QRICH2: variants seen among roughly 807,000 people sequenced by gnomAD.
The protein encoded by QRICH2 is glutamine-rich protein 2.
In QRICH2, 119 loss-of-function variants were observed where a neutral mutation model predicts 168.3. That is an observed-to-expected ratio of 0.71 (90% CI 0.61 to 0.82). The LOEUF is 0.82. QRICH2 is among the 40% of genes least tolerant of loss of function. The pLI is 0.00. For synonymous variants in QRICH2, 894 were observed against 951.2 expected (o/e 0.94, Z 1.11); for missense variants, 2,241 against 2,491.6 (o/e 0.90, Z 2.14).
At chr17:76,275,194 G>C (rs568401819) in intron 18 of QRICH2, among the ~76,000 whole-genome samples, 2 of 150,664 alleles carry the variant, frequency 1.3e-5, no homozygotes, top group East Asian at 1.9e-4. Flanking sequence ...TTAGATTCTT[G>C]GGGGGGGCCT....
At chr17:76,288,009 C>A (rs2070921750) in intron 5 of QRICH2, 112 bp from the exon 6 acceptor site, 4 of 774,440 alleles carry the variant, frequency 5.2e-6, no homozygotes, top group South Asian at 1.5e-5. Context: ...TAACCCAACC[C>A]CCTCCGACAA....
At chr17:76,299,154 A>C (rs1019309739) in intron 3 of QRICH2, among the ~76,000 whole-genome samples, 1 of 152,122 alleles carries the variant, frequency 6.6e-6, no homozygotes, top group Non-Finnish European at 1.5e-5. Context: ...CCTGAATAAA[A>C]TCAAGCTGAA....
intron 15 of QRICH2, 71 bp downstream of exon 15, chr17:76,277,918 C>G: frequency 6.5e-7 from 1 of 1,527,746 alleles, no homozygotes; most frequent in Non-Finnish European, 9.0e-7. Context: ...ATTTGCACAG[C>G]CGTGCACGAG....
At chr17:76,297,969 C>T (rs1409998522) in intron 3 of QRICH2, among the ~76,000 whole-genome samples, 1 of 144,706 alleles carries the variant, frequency 6.9e-6, no homozygotes, top group African/African-American at 2.6e-5. Flanking sequence ...ACCTCCGCCT[C>T]CAAGTTTCCA....
rs1305408713 is a variant in QRICH2 at position 76,277,163 on chromosome 17, C to T, written c.5265G>A (p.Lys1755=). 1.3e-6 allele frequency: 2 copies of T among 1,573,402 alleles called. No homozygotes were observed. The highest frequency in any genetic ancestry group is 1.7e-6 in the Non-Finnish European group (2 of 1,165,478). Residue 1755 remains lysine, a splice_region_variant and synonymous_variant, in exon 16 of 19, where the codon AAG becomes AAA. Transcript: ENST00000680821. ...YPTEEIQIAM[K]HDEVDILGLD... is the part of the protein sequence containing the mutation. ...TGGTGGCTCCAGGCAGGGCCCTGACCTTCATGGCAATCTGGATCTCTTCAG... is the reference window on the plus strand; with the variant it reads ...TGGTGGCTCCAGGCAGGGCCCTGACTTTCATGGCAATCTGGATCTCTTCAG...
intron 3 of QRICH2, among the ~76,000 whole-genome samples, chr17:76,296,537 A>G (rs1177302144): frequency 6.6e-6 from 1 of 152,164 alleles, no homozygotes; most frequent in Admixed American, 6.6e-5. Flanking sequence ...CTGTAATCCC[A>G]GAACTTTCAG....
chr17:76,278,305 G>A (rs2070726935), intron 14 of QRICH2, 116 bp from the exon 15 acceptor site: 1 of 1,009,464 alleles, frequency 9.9e-7, no homozygotes, highest in Non-Finnish European at 1.5e-6. Flanking sequence ...CTAGGCTGGG[G>A]GTCGCTGGGC....
At chr17:76,275,684 T>C in intron 18 of QRICH2, 135 bp downstream of exon 18, 1 of 1,180,222 alleles carries the variant, frequency 8.5e-7, no homozygotes, top group Non-Finnish European at 1.2e-6. Context: ...GGTTCCTCTT[T>C]TCCACACCCA....
In QRICH2 at chr17:76,293,246, C is replaced by T; in HGVS notation, c.1481G>A (p.Gly494Glu). The change falls in exon 4 of 19, where the codon GGA becomes GAA. Residue 494 changes from glycine to glutamate, a missense_variant. Physicochemically the swap from Gly to Glu is moderately conservative, Grantham distance 98. Transcript: ENST00000680821. ...CTGACCCATGCCTGATATTACACAT[C>T]CACGCTGATCCATGCCAAGTGGTTC... ...SMEPLGMDQR[G>E]CVISGMGQQG... The T allele has an allele frequency of 6.2e-7, 1 of 1,614,048 alleles. No individual in the cohort carries two copies. The highest frequency in any genetic ancestry group is 8.5e-7 in the Non-Finnish European group (1 of 1,180,028).
At chr17:76,306,491 T>C (rs2070993190) in intron 1 of QRICH2, among the ~76,000 whole-genome samples, 1 of 152,204 alleles carries the variant, frequency 6.6e-6, no homozygotes, top group African/African-American at 2.4e-5. Flanking sequence ...GACATGCACG[T>C]GTCTATTACC....
intron 2 of QRICH2, 88 bp from the exon 3 acceptor site, chr17:76,304,613 T>A: frequency 1.0e-6 from 1 of 956,388 alleles, no homozygotes; most frequent in Non-Finnish European, 1.6e-6. Context: ...AGGATCTGGG[T>A]GGGTCCTTCA....
At chr17:76,299,496 G>A (rs1275944021) in intron 3 of QRICH2, among the ~76,000 whole-genome samples, 3 of 152,024 alleles carry the variant, frequency 2.0e-5, no homozygotes, top group African/African-American at 4.8e-5. Flanking sequence ...TAGCACTTTG[G>A]GAAGCCGAGG....
intron 3 of QRICH2, among the ~76,000 whole-genome samples, chr17:76,296,919 T>C (rs1164354053): frequency 3.3e-5 from 5 of 152,040 alleles, no homozygotes; most frequent in East Asian, 1.9e-4. Flanking sequence ...CGTCCCAAGA[T>C]TGGGGAAAGA....
chr17:76,292,377 G>A lies in QRICH2; in HGVS notation c.2350C>T (p.Pro784Ser). The A allele has an allele frequency of 6.2e-7, 1 of 1,602,504 alleles. No homozygotes were observed. The highest frequency in any genetic ancestry group is 8.5e-7 in the Non-Finnish European group (1 of 1,174,714). ...ACCAAACTACGCTGAACTTCACCAGGTTGTGCCAAACCATGCTGATCCACT... is the reference window on the plus strand; with the variant it reads ...ACCAAACTACGCTGAACTTCACCAGATTGTGCCAAACCATGCTGATCCACT... ...PGVDQHGLAQ[P>S]GEVQRSLVQP... Residue 784 changes from proline to serine, a missense_variant, in exon 4 of 19, where the codon CCT becomes TCT. Around this residue, in one of 3 missense-constraint regions of QRICH2, gnomAD observed 2,047 missense variants for 2,303.8 expected, o/e 0.89. Coordinates refer to ENST00000680821, the MANE Select transcript of QRICH2 (RefSeq NM_001388453.1).
rs770162922 is a variant in QRICH2 at position 76,288,383 on chromosome 17, T to TAAA, written c.3799-489_3799-487dup. Among the ~76,000 whole-genome samples, 39 of 39,262 alleles carry TAAA rather than the reference T, an allele frequency of 9.9e-4. 1 individual carries two copies. The highest frequency in any genetic ancestry group is 4.0e-3 in the African/African-American group (34 of 8,544). The allele number at this position is 39,262 out of a possible 152,430, so 25.8% of individuals were successfully genotyped here. A position where few individuals can be genotyped will look rare whatever the true frequency, so the allele number is the denominator to read the frequency against. On this transcript the variant is annotated intron_variant, in intron 5 of 18. Transcript: ENST00000680821. ...TGGGCAACAGAGCAAGAATCAGTCT[T>TAAA]AAAAAAAAAAAAAAAAAAAAAAAAA... is the stretch of plus-strand genomic sequence containing the variant.
intron 16 of QRICH2, 96 bp downstream of exon 16, chr17:76,277,067 G>A: frequency 7.5e-7 from 1 of 1,326,288 alleles, no homozygotes; most frequent in Non-Finnish European, 1.0e-6. Flanking sequence ...TCAAGGCAGA[G>A]GGCTGGCTGA....
In QRICH2 at chr17:76,291,968, C is replaced by T. The variant is rs894787988; in HGVS notation, c.2759G>A (p.Gly920Asp). ...GMVQPGIGQQ[G>D]MVQPQADPHG... ...TGGATCTGCCTGAGGTTGCACCATA[C>T]CTTGCTGACCTATTCCAGGCTGCAC... Residue 920 changes from glycine to aspartate, a missense_variant, in exon 4 of 19, where the codon GGT becomes GAT. Transcript: ENST00000680821. 1.2e-6 allele frequency: 2 copies of T among 1,614,012 alleles called. No homozygotes were observed. The highest frequency in any genetic ancestry group is 1.7e-6 in the Non-Finnish European group (2 of 1,180,052).
chr17:76,287,301 G>A lies in QRICH2; in HGVS notation c.3902C>T (p.Thr1301Ile). The A allele has an allele frequency of 6.2e-7, 1 of 1,611,964 alleles. No homozygotes were observed. Among genetic ancestry groups the A allele is most frequent in the South Asian group, 1.1e-5 (1 of 90,974 alleles). Residue 1301 changes from threonine (T) to isoleucine (I), a missense_variant, in exon 7 of 19, where the codon ACC becomes ATC. This residue lies in a region of QRICH2 where 2,047 missense variants were observed against 2,303.8 expected (regional missense o/e 0.89). Coordinates refer to ENST00000680821, the MANE Select transcript of QRICH2 (RefSeq NM_001388453.1). ...CAGCTCCTTTTCTATGTCAGCCACG[G>A]TGACTCTGTGGTGCACGATGAGAGA... Reference protein sequence around the residue: ...LRLQLGVLRVTVADIEKELAE... With the variant: ...LRLQLGVLRVIVADIEKELAE...
chr17:76,289,769 C>A (rs922377378), intron 5 of QRICH2, among the ~76,000 whole-genome samples: 2 of 151,922 alleles, frequency 1.3e-5, no homozygotes, highest in South Asian at 4.2e-4. Flanking sequence ...GAAACCCCAT[C>A]TCTACTAATA....
Sources: gnomAD v4.1 joint callset for allele counts (sites outside exome capture counted in the v4.1 genomes callset) on GRCh38, gnomAD v4.1.1 for gene constraint, gnomAD v4.1.1 regional missense constraint, MANE v1.5 for transcripts, NCBI Gene and HGNC (gene_info 2026-07-23, HGNC 2026-07-21) for gene names.